TRPC5: variants seen among roughly 807,000 people sequenced by gnomAD.
TRPC5 encodes transient receptor potential cation channel subfamily C member 5.
A neutral mutation model predicts 56.5 loss-of-function variants in TRPC5; 9 were observed. The ratio of observed to expected loss-of-function variants is 0.16; its 90% confidence interval spans 0.10 to 0.28. The LOEUF (loss-of-function observed/expected upper bound fraction) is 0.28. TRPC5 is among the 10% of genes least tolerant of loss of function. TRPC5 has a pLI of 1.00. For synonymous variants in TRPC5, 282 were observed against 278.5 expected (o/e 1.01, Z -0.13); for missense variants, 469 against 748.9 (o/e 0.63, Z 4.36).
At position 111,772,792 on chromosome X, in the gene TRPC5, C is replaced by T. The variant is rs903240203; in HGVS notation, c.*3521G>A. ...GCTGCCTATCTTCAAGTACTTTTTA[C>T]CTGATGATTTAACAAACCAAGGTCT... On this transcript the variant is annotated 3_prime_UTR_variant, in exon 11 of 11. Coordinates refer to ENST00000262839, the MANE Select transcript of TRPC5 (RefSeq NM_012471.3). Among the ~76,000 whole-genome samples the T allele has an allele frequency of 2.4e-4, 27 of 110,954 alleles. No homozygotes were observed. Among genetic ancestry groups the T allele is most frequent in the African/African-American group, 8.8e-4 (27 of 30,524 alleles).
At chrX:111,989,587 C>T (rs971402840) in intron 1 of TRPC5, among the ~76,000 whole-genome samples, 1 of 112,184 alleles carries the variant, frequency 8.9e-6, no homozygotes, top group African/African-American at 3.2e-5. Context: ...ATCTATTCAT[C>T]TGCCTCTCAT....
At chrX:111,969,854 T>A (rs1454409182) in intron 1 of TRPC5, among the ~76,000 whole-genome samples, 1 of 111,023 alleles carries the variant, frequency 9.0e-6, no homozygotes, top group Non-Finnish European at 1.9e-5. Context: ...AGAGACACTC[T>A]AGGTTCTTAA....
chrX:111,825,156 T>G (rs1922164014), intron 7 of TRPC5, among the ~76,000 whole-genome samples: 2 of 39,398 alleles, frequency 5.1e-5, no homozygotes, highest in South Asian at 2.7e-3. Context: ...CCTTTCTTTC[T>G]TTCTTTCTTT....
At chrX:111,943,843 T>C (rs1480250389) in intron 2 of TRPC5, among the ~76,000 whole-genome samples, 1 of 112,093 alleles carries the variant, frequency 8.9e-6, no homozygotes, top group Non-Finnish European at 1.9e-5. Context: ...AGTTGGCTTG[T>C]TTACCAGCCT....
At chrX:111,824,265 C>T (rs998900365) in intron 7 of TRPC5, among the ~76,000 whole-genome samples, 5 of 107,078 alleles carry the variant, frequency 4.7e-5, no homozygotes, top group South Asian at 8.3e-4. Flanking sequence ...TACCCTTGGG[C>T]GAGTCACTTT....
chrX:112,037,351 C>T (rs185606667), intron 1 of TRPC5, among the ~76,000 whole-genome samples: 21 of 111,612 alleles, frequency 1.9e-4, no homozygotes, highest in African/African-American at 6.5e-4. Context: ...AAGATTATAC[C>T]TGCTGCTTCT....
chrX:111,954,533 G>T (rs1052665570), intron 1 of TRPC5, among the ~76,000 whole-genome samples: 2 of 111,739 alleles, frequency 1.8e-5, no homozygotes, highest in African/African-American at 6.5e-5. Context: ...AATGCAAGGG[G>T]TCTTATTTTT....
intron 1 of TRPC5, among the ~76,000 whole-genome samples, chrX:112,009,538 T>C (rs913245603): frequency 8.9e-6 from 1 of 111,934 alleles, no homozygotes; most frequent in South Asian, 3.8e-4. Context: ...TAATGACCAA[T>C]GATAACTGTA....
intron 7 of TRPC5, among the ~76,000 whole-genome samples, chrX:111,833,267 A>G (rs1267218074): frequency 9.0e-6 from 1 of 111,590 alleles, no homozygotes; most frequent in Non-Finnish European, 1.9e-5. Flanking sequence ...GCACCCGGAC[A>G]CATAGGATGT....
intron 3 of TRPC5, among the ~76,000 whole-genome samples, chrX:111,886,577 C>T (rs1569527391): frequency 9.0e-6 from 1 of 111,638 alleles, no homozygotes; most frequent in African/African-American, 3.3e-5. Flanking sequence ...CTCGATTTGG[C>T]GTGATCTTGG....
chrX:112,078,868 T>G (rs575786702), intron 1 of TRPC5, among the ~76,000 whole-genome samples: 1 of 111,864 alleles, frequency 8.9e-6, no homozygotes, highest in South Asian at 3.8e-4. Flanking sequence ...GAGGGGCCCA[T>G]CAACAGAAGA....
At chrX:111,989,290 A>G (rs960052717) in intron 1 of TRPC5, among the ~76,000 whole-genome samples, 3 of 111,775 alleles carry the variant, frequency 2.7e-5, no homozygotes, top group African/African-American at 9.8e-5. Flanking sequence ...GTTAGAGGAA[A>G]TATTTTGGGC....
intron 7 of TRPC5, among the ~76,000 whole-genome samples, chrX:111,785,088 T>C (rs1440487204): frequency 8.9e-6 from 1 of 112,350 alleles, no homozygotes; most frequent in Non-Finnish European, 1.9e-5. Flanking sequence ...GCGTTTGAGC[T>C]CTCAGAACGG....
intron 7 of TRPC5, among the ~76,000 whole-genome samples, chrX:111,799,549 A>G (rs1603033187): frequency 9.0e-6 from 1 of 111,268 alleles, no homozygotes; most frequent in Non-Finnish European, 1.9e-5. Flanking sequence ...AGTGCTGTCA[A>G]TGCTATGGAA....
chrX:111,968,755 CAT>C (rs1250310625), intron 1 of TRPC5, among the ~76,000 whole-genome samples: 7 of 95,103 alleles, frequency 7.4e-5, no homozygotes, highest in Middle Eastern at 6.5e-3. Flanking sequence ...TGTTCTGACT[CAT>C]AGGTGGGAAC....
At chrX:112,048,399 CA>C (rs58537492) in intron 1 of TRPC5, among the ~76,000 whole-genome samples, 1,079 of 21,323 alleles carry the variant, frequency 0.051, no homozygotes, top group Non-Finnish European at 0.07. Flanking sequence ...GACTCCGTAT[CA>C]AAAAAAAAAA....
In TRPC5 at chrX:112,044,197, C is replaced by G. The variant is rs1352398433; in HGVS notation, c.-22+37682G>C. Among the ~76,000 whole-genome samples the G allele has an allele frequency of 6.3e-5, 7 of 111,288 alleles. No homozygotes were observed. The East Asian group carries it at 2.0e-3, about 31-fold the overall frequency. ...ACTTACCTAAGGCACTTACTGCCACCTGTTGTTTGTGTATCTGAATTACAT... is the reference window on the plus strand; with the variant it reads ...ACTTACCTAAGGCACTTACTGCCACGTGTTGTTTGTGTATCTGAATTACAT... On this transcript the variant is annotated intron_variant, in intron 1 of 10. Transcript: ENST00000262839.
chrX:111,852,822 C>G (rs1419808128), intron 4 of TRPC5, among the ~76,000 whole-genome samples: 2 of 111,594 alleles, frequency 1.8e-5, no homozygotes, highest in East Asian at 5.6e-4. Context: ...CCACTGGGTT[C>G]AGGAAAGAGA....
intron 1 of TRPC5, among the ~76,000 whole-genome samples, chrX:112,015,750 T>C (rs1929105026): frequency 9.0e-6 from 1 of 110,925 alleles, no homozygotes. Flanking sequence ...TTACCAAGTA[T>C]CCATTTGCGA....
Sources: gnomAD v4.1 joint callset for allele counts (sites outside exome capture counted in the v4.1 genomes callset) on GRCh38, gnomAD v4.1.1 for gene constraint, MANE v1.5 for transcripts, NCBI Gene and HGNC (gene_info 2026-07-23, HGNC 2026-07-21) for gene names.